Variants in C8orf34 observed in about 807,000 individuals in gnomAD.
C8orf34 encodes chromosome 8 open reading frame 34, also known as uncharacterized protein C8orf34.
Under a neutral mutation model 68.3 loss-of-function variants are expected in C8orf34, and 65 were observed. That is an observed-to-expected ratio of 0.95 (90% confidence interval 0.78 to 1.17). C8orf34 has a LOEUF of 1.17. Ranked by LOEUF, C8orf34 falls within the 50% of genes most tolerant of loss-of-function variation. C8orf34 has a pLI of 0.00. For missense variants in C8orf34, 664 were observed against 655.4 expected (o/e 1.01, Z -0.14); for synonymous variants, 244 against 241.2 (o/e 1.01, Z -0.11).
At chr8:68,439,689 A>G (rs759814300) in intron 2 of C8orf34, 43 bp downstream of exon 2, 1 of 1,569,056 alleles carries the variant, frequency 6.4e-7, no homozygotes. Flanking sequence ...GATTCATTTA[A>G]TGTCAAAATT....
At chr8:68,553,793 C>T (rs1194191275) in intron 7 of C8orf34, among the ~76,000 whole-genome samples, 3 of 151,810 alleles carry the variant, frequency 2.0e-5, no homozygotes, top group South Asian at 4.1e-4. Flanking sequence ...TTTCAAAGAA[C>T]TAACTTTTGG....
rs1415783440 is a variant in C8orf34 at position 68,331,364 on chromosome 8, T to C, written c.327+25T>C. ...GGTAAGGCGCTGTGGAGGAGGGCAGTCCCGTTGTCTTTAGGGGAAGGGGTG... is the reference window on the plus strand; with the variant it reads ...GGTAAGGCGCTGTGGAGGAGGGCAGCCCCGTTGTCTTTAGGGGAAGGGGTG... On this transcript the variant is annotated intron_variant, in intron 1 of 13. Transcript: ENST00000518698. 5.2e-6 allele frequency: 8 copies of C among 1,533,010 alleles called. No homozygotes were observed. The Admixed American group carries it at 1.6e-4, about 30-fold the overall frequency. The allele number at this position is 1,533,010 out of a possible 1,614,324, so 95.0% of individuals were successfully genotyped here.
intron 12 of C8orf34, among the ~76,000 whole-genome samples, chr8:68,792,853 G>A (rs138146047): frequency 1.1e-3 from 167 of 151,952 alleles, no homozygotes; most frequent in African/African-American, 3.8e-3. Context: ...TTCAGGTTAA[G>A]TGGCATGTGA....
At chr8:68,735,162 G>T (rs1472636395) in intron 10 of C8orf34, among the ~76,000 whole-genome samples, 1 of 152,202 alleles carries the variant, frequency 6.6e-6, no homozygotes, top group Non-Finnish European at 1.5e-5. Flanking sequence ...CCATCTTGGG[G>T]CACTAATGGG....
chr8:68,748,746 G>A (rs1349900383), intron 10 of C8orf34, among the ~76,000 whole-genome samples: 2 of 152,160 alleles, frequency 1.3e-5, no homozygotes, highest in Non-Finnish European at 2.9e-5. Context: ...AACAGGTGCT[G>A]GAGAGAATGT....
At chr8:68,496,478 C>T (rs1170075613) in intron 5 of C8orf34, among the ~76,000 whole-genome samples, 1 of 152,172 alleles carries the variant, frequency 6.6e-6, no homozygotes, top group Non-Finnish European at 1.5e-5. Flanking sequence ...GCTATGTAAT[C>T]TTGCCTTTCT....
intron 5 of C8orf34, among the ~76,000 whole-genome samples, chr8:68,506,214 T>C (rs1262478603): frequency 2.0e-5 from 3 of 152,210 alleles, no homozygotes; most frequent in Admixed American, 1.3e-4. Context: ...GTACATTTTA[T>C]TATTAGATAA....
At chr8:68,654,583 C>G (rs920573677) in intron 8 of C8orf34, among the ~76,000 whole-genome samples, 6 of 151,894 alleles carry the variant, frequency 4.0e-5, no homozygotes, top group Non-Finnish European at 8.8e-5. Flanking sequence ...TTTTTTTGAC[C>G]TACAAATACA....
chr8:68,373,786 G>T (rs1200691270), intron 1 of C8orf34, among the ~76,000 whole-genome samples: 1 of 152,098 alleles, frequency 6.6e-6, no homozygotes, highest in African/African-American at 2.4e-5. Flanking sequence ...CACATACTAA[G>T]ACTTGATATA....
chr8:68,479,403 C>T (rs1812760000), intron 4 of C8orf34, among the ~76,000 whole-genome samples: 2 of 85,622 alleles, frequency 2.3e-5, no homozygotes, highest in East Asian at 6.3e-4. Context: ...CACAGAGAAA[C>T]AGTGAGAGAG....
intron 7 of C8orf34, among the ~76,000 whole-genome samples, chr8:68,608,190 G>C (rs1374440210): frequency 6.6e-6 from 1 of 152,034 alleles, no homozygotes; most frequent in East Asian, 1.9e-4. Flanking sequence ...AGAAAGATGT[G>C]TCAAGCAAAA....
chr8:68,395,353 T>G (rs954329285), intron 1 of C8orf34, among the ~76,000 whole-genome samples: 1 of 42,046 alleles, frequency 2.4e-5, no homozygotes, highest in African/African-American at 7.7e-5. Flanking sequence ...TTTCTCTCTG[T>G]GTGTCTCTCA....
chr8:68,530,581 A>G (rs1453039154), intron 6 of C8orf34: 4 of 1,237,576 alleles, frequency 3.2e-6, no homozygotes, highest in Admixed American at 2.4e-5. Context: ...ACATTGTTAC[A>G]TTGTTTCTCA....
intron 12 of C8orf34, among the ~76,000 whole-genome samples, chr8:68,803,161 C>A (rs1483096887): frequency 1.3e-5 from 2 of 152,010 alleles, no homozygotes; most frequent in African/African-American, 4.8e-5. Flanking sequence ...GACTAGCTAA[C>A]CTCGATTCCA....
intron 7 of C8orf34, among the ~76,000 whole-genome samples, chr8:68,542,769 C>A (rs763812688): frequency 1.3e-5 from 2 of 152,076 alleles, no homozygotes; most frequent in South Asian, 4.2e-4. Flanking sequence ...CAAGAACATA[C>A]GTTTTTTAAA....
intron 11 of C8orf34, among the ~76,000 whole-genome samples, chr8:68,782,024 A>T (rs1480785738): frequency 6.6e-6 from 1 of 152,342 alleles, no homozygotes; most frequent in Non-Finnish European, 1.5e-5. Flanking sequence ...ATGAAAACAA[A>T]TTTTAGTATT....
intron 10 of C8orf34, among the ~76,000 whole-genome samples, chr8:68,775,516 C>T (rs963376812): frequency 2.0e-5 from 3 of 151,996 alleles, no homozygotes; most frequent in Admixed American, 2.0e-4. Flanking sequence ...TACTAGTGCT[C>T]AGTGAAGTGC....
intron 13 of C8orf34, among the ~76,000 whole-genome samples, chr8:68,816,536 T>C (rs771723529): frequency 4.9e-4 from 75 of 152,258 alleles, no homozygotes; most frequent in Non-Finnish European, 9.4e-4. Flanking sequence ...TAGAACCAGC[T>C]ACTCCTTCCC....
At chr8:68,793,910 G>A (rs1028668912) in intron 12 of C8orf34, among the ~76,000 whole-genome samples, 3 of 152,046 alleles carry the variant, frequency 2.0e-5, no homozygotes, top group African/African-American at 7.2e-5. Flanking sequence ...AATATGGTAC[G>A]TATAAAAATG....
Sources: gnomAD v4.1 joint callset for allele counts (sites outside exome capture counted in the v4.1 genomes callset) on GRCh38, gnomAD v4.1.1 for gene constraint, MANE v1.5 for transcripts, NCBI Gene and HGNC (gene_info 2026-07-23, HGNC 2026-07-21) for gene names.